Variants in STX18 observed in about 807,000 individuals in gnomAD.
STX18 encodes syntaxin 18.
STX18 carries 40 observed loss-of-function variants against 50.1 expected under a neutral mutation model. That is an observed-to-expected ratio of 0.80 (90% CI 0.62 to 1.04). STX18 has a LOEUF of 1.04. Among genes scored for constraint, STX18 ranks in the 50% least tolerant of loss-of-function variants. The probability of loss-of-function intolerance (pLI) is 0.00; values close to 1 mark genes in which losing one functional copy is unlikely to be tolerated. For synonymous variants in STX18, 158 were observed against 151.8 expected (o/e 1.04, Z -0.30); for missense variants, 410 against 415.8 (o/e 0.99, Z 0.12).
chr4:4,453,744 A>G (rs532667565), intron 5 of STX18: 1,500 of 900,900 alleles, frequency 1.7e-3, no homozygotes, highest in Non-Finnish European at 1.9e-3. Context: ...CTTTCAGACA[A>G]ATGTGTCCAC....
intron 5 of STX18, among the ~76,000 whole-genome samples, chr4:4,443,062 G>A (rs1276344153): frequency 3.9e-5 from 6 of 152,314 alleles, no homozygotes; most frequent in East Asian, 1.9e-4. Flanking sequence ...AGGCACTTCC[G>A]TATATTGATG....
chr4:4,457,091 A>C (rs1030706720), intron 5 of STX18, 100 bp downstream of exon 5: 2 of 1,171,708 alleles, frequency 1.7e-6, no homozygotes, highest in Non-Finnish European at 2.4e-6. Flanking sequence ...AAGAAGTTCA[A>C]ACACGGTACA....
At chr4:4,499,625 C>T (rs773022121) in intron 1 of STX18, 7 of 696,394 alleles carry the variant, frequency 1.0e-5, no homozygotes, top group Non-Finnish European at 1.2e-5. Flanking sequence ...AATAGCTAAT[C>T]CAACTTAATC....
chr4:4,446,587 A>T (rs1236169047), intron 5 of STX18, among the ~76,000 whole-genome samples: 1 of 152,252 alleles, frequency 6.6e-6, no homozygotes, highest in African/African-American at 2.4e-5. Context: ...GAGGAAATGC[A>T]AACTAAACCC....
At chr4:4,465,248 T>A (rs1426366360) in intron 2 of STX18, among the ~76,000 whole-genome samples, 1 of 152,208 alleles carries the variant, frequency 6.6e-6, no homozygotes, top group Non-Finnish European at 1.5e-5. Context: ...TTACTGGGTA[T>A]CTACCCAAAG....
At chr4:4,502,431 T>C (rs544757840) in intron 1 of STX18, among the ~76,000 whole-genome samples, 46 of 152,312 alleles carry the variant, frequency 3.0e-4, no homozygotes, top group African/African-American at 1.0e-3. Context: ...TAAAAGAATA[T>C]TTCTGTTCTT....
At position 4,438,395 on chromosome 4, in the gene STX18, T is replaced by C; in HGVS notation, c.612A>G (p.Pro204=). The C allele has an allele frequency of 3.1e-6, 5 of 1,608,904 alleles. No homozygotes were observed. The highest frequency in any genetic ancestry group is 4.2e-6 in the Non-Finnish European group (5 of 1,176,904). ...SEENPATEER[P]EKILAETQPE... ...TGAGATTTTCATCTCAATTCGTACC[T>C]GGACGTTCTTCAGTGGCAGGGTTTT... is the stretch of plus-strand genomic sequence containing the variant. Residue 204 remains proline (P), a splice_region_variant and synonymous_variant, in exon 6 of 11, where the codon CCA becomes CCG. Transcript: ENST00000306200.
chr4:4,481,360 T>C (rs1389966059), intron 1 of STX18, among the ~76,000 whole-genome samples: 1 of 152,228 alleles, frequency 6.6e-6, no homozygotes, highest in Non-Finnish European at 1.5e-5. Context: ...CACTAAGTAC[T>C]GATTTGCATA....
rs1263526311 is a variant in STX18, at chr4:4,419,480, G to C, written c.*554C>G. The C allele has an allele frequency of 6.6e-6, 1 of 152,486 alleles. No individual in the cohort carries two copies. Among genetic ancestry groups the C allele is most frequent in the Non-Finnish European group, 1.5e-5 (1 of 68,294 alleles). 9.4% of individuals were successfully genotyped at this position (152,486 alleles called of 1,614,324 possible). A position where few individuals can be genotyped will look rare whatever the true frequency, so the allele number is the denominator to read the frequency against. ...TAGACTCATTGACAACACATTAAGGGGCTGTAATTATATTTATTAGATTAA... is the reference window on the plus strand; with the variant it reads ...TAGACTCATTGACAACACATTAAGGCGCTGTAATTATATTTATTAGATTAA... On this transcript the variant is annotated 3_prime_UTR_variant, in exon 11 of 11. Transcript: ENST00000306200.
chr4:4,465,554 A>T (rs1046698395), intron 2 of STX18, among the ~76,000 whole-genome samples: 1 of 152,200 alleles, frequency 6.6e-6, no homozygotes, highest in African/African-American at 2.4e-5. Flanking sequence ...GAGCTGAATT[A>T]TGGGAACGCA....
intron 8 of STX18, among the ~76,000 whole-genome samples, chr4:4,424,375 TGGCAGGG>T (rs1725131595): frequency 8.4e-6 from 1 of 118,614 alleles, no homozygotes; most frequent in Admixed American, 9.5e-5. Flanking sequence ...AGTATCACAG[TGGCAGGG>T]GGCAGGGGAG....
chr4:4,480,653 A>G (rs975692565), intron 1 of STX18, among the ~76,000 whole-genome samples: 1 of 152,118 alleles, frequency 6.6e-6, no homozygotes, highest in Non-Finnish European at 1.5e-5. Context: ...TTCTTTTTTT[A>G]AAAAACTTTT....
chr4:4,436,923 T>C (rs902586675), intron 6 of STX18, among the ~76,000 whole-genome samples: 5 of 151,862 alleles, frequency 3.3e-5, no homozygotes, highest in African/African-American at 9.7e-5. Context: ...TAAGCTTTCA[T>C]TTTTTATTTT....
chr4:4,516,336 A>G (rs575696979), intron 1 of STX18, among the ~76,000 whole-genome samples: 12 of 152,340 alleles, frequency 7.9e-5, no homozygotes, highest in African/African-American at 2.4e-4. Context: ...TGATGTTTTA[A>G]GCAATTTGGG....
At chr4:4,496,561 C>A (rs1301159477) in intron 1 of STX18, among the ~76,000 whole-genome samples, 1 of 152,176 alleles carries the variant, frequency 6.6e-6, no homozygotes, top group African/African-American at 2.4e-5. Context: ...CCACACCACC[C>A]ACTGAGCTTA....
rs189034954 is a variant in STX18, at chr4:4,541,677, C to T, written c.168+120G>A. 1.5e-4 allele frequency: 168 copies of T among 1,150,184 alleles called. 1 individual carries two copies. Among genetic ancestry groups the T allele is most frequent in the Non-Finnish European group, 1.8e-4 (150 of 836,512 alleles). 71.2% of individuals were successfully genotyped at this position (1,150,184 alleles called of 1,614,324 possible). A position where few individuals can be genotyped will look rare whatever the true frequency, so the allele number is the denominator to read the frequency against. ...GGGTCTCTGAGGCCAACTCTTCTGT[C>T]CCCCTTAGAGCCACCCCCTTCACAC... is the stretch of plus-strand genomic sequence containing the variant. On this transcript the variant is annotated intron_variant, in intron 1 of 10. Transcript: ENST00000306200.
At chr4:4,450,618 T>C (rs1405236789) in intron 5 of STX18, among the ~76,000 whole-genome samples, 3 of 152,156 alleles carry the variant, frequency 2.0e-5, no homozygotes, top group Non-Finnish European at 2.9e-5. Context: ...TCTGTATTTA[T>C]TATTTGATCT....
At chr4:4,463,497 C>T (rs1263888972) in intron 2 of STX18, among the ~76,000 whole-genome samples, 1 of 152,166 alleles carries the variant, frequency 6.6e-6, no homozygotes, top group Non-Finnish European at 1.5e-5. Context: ...TCACATGGTT[C>T]GTAAGGAGTG....
intron 1 of STX18, among the ~76,000 whole-genome samples, chr4:4,518,289 A>G (rs553922585): frequency 7.2e-5 from 11 of 152,364 alleles, no homozygotes; most frequent in Admixed American, 3.9e-4. Context: ...GAACCATGTA[A>G]ATGTTGTAGA....
Sources: allele counts gnomAD v4.1 joint callset (sites outside exome capture counted in the v4.1 genomes callset), GRCh38; gene constraint gnomAD v4.1.1; transcripts MANE v1.5; gene names NCBI Gene and HGNC (gene_info 2026-07-23, HGNC 2026-07-21).